Variants in RADIL observed in about 807,000 individuals in gnomAD.
RADIL encodes ras-associating and dilute domain-containing protein.
RADIL carries 99 observed loss-of-function variants against 97.6 expected under a neutral mutation model. The observed-to-expected ratio is 1.01, with a 90% CI of 0.86 to 1.20. The LOEUF (loss-of-function observed/expected upper bound fraction) is 1.20. RADIL is among the 50% of genes most tolerant of loss of function. The probability of loss-of-function intolerance (pLI) is 0.00; values close to 1 mark genes in which losing one functional copy is unlikely to be tolerated. For missense variants in RADIL, 1,765 were observed against 1,498.9 expected (o/e 1.18, Z -2.93); for synonymous variants, 803 against 691.8 (o/e 1.16, Z -2.52).
chr7:4,806,130 G>C (rs1160236298), intron 9 of RADIL: 2 of 859,644 alleles, frequency 2.3e-6, no homozygotes, highest in South Asian at 5.4e-5. Context: ...TTAGGTGACA[G>C]GAGGCAGGGA....
In RADIL at chr7:4,817,521, G is replaced by A. The variant is rs951167259; in HGVS notation, c.1616-170C>T. Among the ~76,000 whole-genome samples the A allele has an allele frequency of 2.0e-5, 3 of 152,234 alleles. No individual in the cohort carries two copies. The highest frequency in any genetic ancestry group is 1.9e-4 in the East Asian group (1 of 5,174). ...ACTCTGGGCCCTGGCTGGGACGAGC[G>A]CAGCAAACCTGCCGCCACTCTTACC... On this transcript the variant is annotated intron_variant, in intron 6 of 14. Coordinates refer to ENST00000399583, the MANE Select transcript of RADIL (RefSeq NM_018059.5). The surrounding 1 kb of genome is among the most constrained non-coding windows in gnomAD (Gnocchi z 8.3).
rs1352293846 is a variant in RADIL at position 4,814,732 on chromosome 7, C to A, written c.2139+546G>T. Among the ~76,000 whole-genome samples the A allele has an allele frequency of 1.2e-4, 19 of 152,186 alleles. No homozygotes were observed. The highest frequency in any genetic ancestry group is 2.2e-4 in the Non-Finnish European group (15 of 68,036). On this transcript the variant is annotated intron_variant, in intron 9 of 14. Transcript: ENST00000399583. This position sits in a 1 kb window ranked among gnomAD's most constrained non-coding sequence, Gnocchi z 4.5. ...TCACAGAGCTGACAGCAAGATGAAGCCCCCGGGGGAGGATCTGTCTCCCTG... is the reference window on the plus strand; with the variant it reads ...TCACAGAGCTGACAGCAAGATGAAGACCCCGGGGGAGGATCTGTCTCCCTG...
At chr7:4,851,613 G>A (rs552358442) in intron 2 of RADIL, among the ~76,000 whole-genome samples, 1 of 152,270 alleles carries the variant, frequency 6.6e-6, no homozygotes, top group African/African-American at 2.4e-5. Flanking sequence ...TGCAATTGCT[G>A]GAAACAGAAT....
Position 4,816,390 on chromosome 7 carries a change from C to T in RADIL, c.1804G>A (p.Ala602Thr), listed in dbSNP as rs374258889. The change falls in exon 8 of 15, where the codon GCC becomes ACC. Residue 602 changes from alanine to threonine, a missense_variant. Ala to Thr is a moderately conservative substitution (Grantham distance 58). Coordinates refer to ENST00000399583, the MANE Select transcript of RADIL (RefSeq NM_018059.5). Reference sequence around the variant, plus strand: ...CGCAGCTCCTCGGGCAGTTCGGGGGCCGAGGACCAGCTCTCACGGCGCTCC... The same window carrying T: ...CGCAGCTCCTCGGGCAGTTCGGGGGTCGAGGACCAGCTCTCACGGCGCTCC... ...QTERRESWSS[A>T]PELPEELRRV... 151 of 1,609,440 alleles carry T rather than the reference C, an allele frequency of 9.4e-5. No homozygotes were observed. Among genetic ancestry groups the T allele is most frequent in the Non-Finnish European group, 1.3e-4 (148 of 1,178,786 alleles).
chr7:4,818,653 G>A lies in RADIL; in HGVS notation c.1616-1302C>T, dbSNP rs188119529. ...CCCGACGGCGCCCACAGCGAGTGCCGGCAAAGGATATTCACAGCCACGGCA... is the reference window on the plus strand; with the variant it reads ...CCCGACGGCGCCCACAGCGAGTGCCAGCAAAGGATATTCACAGCCACGGCA... On this transcript the variant is annotated intron_variant, in intron 6 of 14. Transcript: ENST00000399583. This position sits in a 1 kb window ranked among gnomAD's most constrained non-coding sequence, Gnocchi z 7.1. 2.8e-3 allele frequency among the ~76,000 whole-genome samples: 424 copies of A among 152,272 alleles called. 2 individuals carry two copies. The highest frequency in any genetic ancestry group is 9.8e-3 in the African/African-American group (409 of 41,548).
rs553096454 is a variant in RADIL at position 4,837,670 on chromosome 7, T to G, written c.536-1065A>C. Among the ~76,000 whole-genome samples the G allele has an allele frequency of 9.9e-5, 15 of 151,840 alleles. No homozygotes were observed. The highest frequency in any genetic ancestry group is 3.3e-4 in the Admixed American group (5 of 15,244). On this transcript the variant is annotated intron_variant, in intron 2 of 14. Transcript: ENST00000399583. The surrounding 1 kb of genome is among the most constrained non-coding windows in gnomAD (Gnocchi z 5.6). ...ACACATACACACACGCCAACACACA[T>G]GCACCCACACACATTAACACATACA...
chr7:4,821,300 G>A lies in RADIL; in HGVS notation c.1615+1094C>T, dbSNP rs1047637143. Among the ~76,000 whole-genome samples the A allele has an allele frequency of 4.6e-5, 7 of 152,192 alleles. No individual in the cohort carries two copies. Among genetic ancestry groups the A allele is most frequent in the Non-Finnish European group, 8.8e-5 (6 of 68,030 alleles). ...AGGGCAGTGGGTGGACAGCAAGGCC[G>A]TTGGGGGCAGAACCAAGGCTTCCCA... On this transcript the variant is annotated intron_variant, in intron 6 of 14. Transcript: ENST00000399583. The surrounding 1 kb of genome is among the most constrained non-coding windows in gnomAD (Gnocchi z 5.2).
chr7:4,865,279 G>A (rs1018368815), intron 2 of RADIL, among the ~76,000 whole-genome samples: 2 of 152,122 alleles, frequency 1.3e-5, no homozygotes, highest in African/African-American at 4.8e-5. Flanking sequence ...TGTACATTAT[G>A]ACATTTTGGA....
In RADIL at chr7:4,799,404, T is replaced by A. The variant is rs956786287; in HGVS notation, c.3202A>T (p.Ile1068Phe). ...TAGAGAGGGGGCGTGCGGAAATGGA[T>A]CTTCTTGGCTGTTTCCACGTCGGAC... ...AKSDVETAKKIHFRTPPL is the reference protein window; with the variant it reads ...AKSDVETAKKFHFRTPPL Residue 1068 changes from isoleucine to phenylalanine, a missense_variant, in exon 15 of 15, where the codon ATC becomes TTC. Coordinates refer to ENST00000399583, the MANE Select transcript of RADIL (RefSeq NM_018059.5). The A allele has an allele frequency of 1.2e-6, 2 of 1,613,546 alleles. No homozygotes were observed. Among genetic ancestry groups the A allele is most frequent in the Admixed American group, 3.3e-5 (2 of 60,000 alleles).
In RADIL at chr7:4,801,984, G is replaced by C. The variant is rs778980429; in HGVS notation, c.2511C>G (p.His837Gln). ...SQPVCPEGMH[H>Q]VVLDGHLEAP... ...CCTCCAGGTGCCCGTCAAGGACCAC[G>C]TGGTGCATACCCTAGGGAGAGGAAG... Residue 837 changes from histidine (H) to glutamine (Q), a missense_variant, in exon 12 of 15, where the codon CAC becomes CAG. By Grantham distance (24) the His-to-Gln change is conservative. Coordinates refer to ENST00000399583, the MANE Select transcript of RADIL (RefSeq NM_018059.5). 2.0e-6 allele frequency: 3 copies of C among 1,537,284 alleles called. No homozygotes were observed. Among genetic ancestry groups the C allele is most frequent in the Middle Eastern group, 1.9e-4 (1 of 5,242 alleles).
Position 4,857,304 on chromosome 7 carries a change from C to T in RADIL, c.535+20301G>A, listed in dbSNP as rs531518228. 1.6e-4 allele frequency among the ~76,000 whole-genome samples: 24 copies of T among 152,198 alleles called. No homozygotes were observed. In the South Asian group the frequency reaches 2.7e-3, roughly 17 times the overall value. Reference sequence around the variant, plus strand: ...ATCCCAGCTTCTTTTCATTAGCGTGCCTTTTTTCCATTCTTTTATTTTGGT... The same window carrying T: ...ATCCCAGCTTCTTTTCATTAGCGTGTCTTTTTTCCATTCTTTTATTTTGGT... On this transcript the variant is annotated intron_variant, in intron 2 of 14. Coordinates refer to ENST00000399583, the MANE Select transcript of RADIL (RefSeq NM_018059.5).
intron 2 of RADIL, chr7:4,858,622 A>G (rs1260965148): frequency 5.2e-5 from 8 of 152,646 alleles, no homozygotes; most frequent in Admixed American, 5.2e-4. Flanking sequence ...TTGGAAATTA[A>G]CTTTCCTATA....
intron 10 of RADIL, chr7:4,804,162 C>T (rs1392684838): frequency 1.3e-5 from 4 of 296,480 alleles, no homozygotes; most frequent in South Asian, 6.8e-5. Context: ...CTGCAGGAAT[C>T]ACGGGACCCA....
chr7:4,799,824 G>A (rs1157510103), intron 13 of RADIL, 55 bp from the exon 14 acceptor site: 41 of 1,448,922 alleles, frequency 2.8e-5, no homozygotes, highest in South Asian at 4.3e-5. Flanking sequence ...TGTCCCCAGC[G>A]AGGACCACTG....
rs1268373411 is a variant in RADIL, at chr7:4,880,396, T to C, written c.-64-2193A>G. On this transcript the variant is annotated intron_variant, in intron 1 of 14. Coordinates refer to ENST00000399583, the MANE Select transcript of RADIL (RefSeq NM_018059.5). The surrounding 1 kb of genome is among the most constrained non-coding windows in gnomAD (Gnocchi z 4.5). ...CATCACAAACGTGCGGCCTGGCCTG[T>C]GCACACCACACCAGCGGCTTCCAAT... Among the ~76,000 whole-genome samples the C allele has an allele frequency of 6.6e-6, 1 of 152,202 alleles. No homozygotes were observed. The highest frequency in any genetic ancestry group is 1.5e-5 in the Non-Finnish European group (1 of 68,040).
chr7:4,813,074 T>TCTCTCTCTCTCTCTCTC lies in RADIL; in HGVS notation c.2139+2203_2139+2204insGAGAGAGAGAGAGAGAG, dbSNP rs1562432542. ...TTCATCCTTACCCCAAGGTTCTTCT[T>TCTCTCTCTCTCTCTCTC]TCTCTCTCTCTCTCTCTCTCTCTCT... On this transcript the variant is annotated intron_variant, in intron 9 of 14. Coordinates refer to ENST00000399583, the MANE Select transcript of RADIL (RefSeq NM_018059.5). The surrounding 1 kb of genome is among the most constrained non-coding windows in gnomAD (Gnocchi z 5.0). Among the ~76,000 whole-genome samples, 5 of 147,704 alleles carry TCTCTCTCTCTCTCTCTC rather than the reference T, an allele frequency of 3.4e-5. No homozygotes were observed. The highest frequency in any genetic ancestry group is 1.3e-4 in the African/African-American group (5 of 39,766).
chr7:4,803,507 C>T (rs967195439), intron 11 of RADIL, 39 bp downstream of exon 11: 2 of 1,495,562 alleles, frequency 1.3e-6, no homozygotes, highest in Middle Eastern at 2.4e-4. Context: ...CCCCGGGCAC[C>T]TCGGGGCACG....
chr7:4,881,202 T>A (rs1431191464), intron 1 of RADIL, among the ~76,000 whole-genome samples: 1 of 119,656 alleles, frequency 8.4e-6, no homozygotes, highest in Non-Finnish European at 1.7e-5. Context: ...GATCACGAGG[T>A]CAGCAGATCG....
At chr7:4,863,355 G>T (rs568821339) in intron 2 of RADIL, among the ~76,000 whole-genome samples, 3 of 151,856 alleles carry the variant, frequency 2.0e-5, no homozygotes, top group Non-Finnish European at 4.4e-5. Flanking sequence ...TTCTAATTCC[G>T]AATGCTCTTG....
Sources: gnomAD v4.1 joint callset for allele counts (sites outside exome capture counted in the v4.1 genomes callset) on GRCh38, gnomAD v4.1.1 for gene constraint, Gnocchi (gnomAD v3.1) non-coding constraint, MANE v1.5 for transcripts, NCBI Gene and HGNC (gene_info 2026-07-23, HGNC 2026-07-21) for gene names.